AGBL4: variants seen among roughly 807,000 people sequenced by gnomAD.
AGBL4 encodes the protein cytosolic carboxypeptidase 6.
In AGBL4, 58 loss-of-function variants were observed where a neutral mutation model predicts 66.4. That is an observed-to-expected ratio of 0.87 (90% CI 0.71 to 1.09). The LOEUF (loss-of-function observed/expected upper bound fraction) is 1.09, where lower values mean the gene tolerates loss of function less well. Among genes scored for constraint, AGBL4 ranks in the 50% least tolerant of loss-of-function variants. The probability of loss-of-function intolerance (pLI) is 0.00; values close to 1 mark genes in which losing one functional copy is unlikely to be tolerated. For synonymous variants in AGBL4, 234 were observed against 222.9 expected, an observed-to-expected ratio of 1.05 and a Z score of -0.44; for missense variants, 579 against 631.0, an observed-to-expected ratio of 0.92 and a Z score of 0.88.
At chr1:48,763,047 G>T (rs140571463) in intron 6 of AGBL4, among the ~76,000 whole-genome samples, 2 of 152,244 alleles carry the variant, frequency 1.3e-5, no homozygotes, top group East Asian at 3.9e-4. Flanking sequence ...TATTATCAAT[G>T]TGTTCTGAAT....
intron 4 of AGBL4, among the ~76,000 whole-genome samples, chr1:49,220,885 A>C (rs979671395): frequency 2.0e-5 from 3 of 152,164 alleles, no homozygotes; most frequent in African/African-American, 7.2e-5. Flanking sequence ...AAAGCATGGA[A>C]TGGAGATCTT....
intron 6 of AGBL4, among the ~76,000 whole-genome samples, chr1:48,709,031 G>T (rs1202341391): frequency 1.3e-5 from 2 of 152,178 alleles, no homozygotes; most frequent in Admixed American, 6.5e-5. Context: ...CTGACTGGCC[G>T]AGTGGCCTCA....
chr1:49,639,088 A>C (rs2124396080), intron 3 of AGBL4, among the ~76,000 whole-genome samples: 1 of 152,310 alleles, frequency 6.6e-6, no homozygotes, highest in East Asian at 1.9e-4. Context: ...AGCAGTGTGC[A>C]TCTATTCAGC....
chr1:49,594,893 G>T (rs1473564935), intron 3 of AGBL4, among the ~76,000 whole-genome samples: 1 of 152,094 alleles, frequency 6.6e-6, no homozygotes, highest in Non-Finnish European at 1.5e-5. Context: ...CCCAGTAATG[G>T]GATTGCTAGG....
chr1:48,849,577 C>G (rs1203333672), intron 6 of AGBL4, among the ~76,000 whole-genome samples: 1 of 152,222 alleles, frequency 6.6e-6, no homozygotes, highest in African/African-American at 2.4e-5. Flanking sequence ...CCATCTACTC[C>G]TCACTCCCAC....
At chr1:49,418,744 A>C (rs946461877) in intron 3 of AGBL4, among the ~76,000 whole-genome samples, 24 of 152,212 alleles carry the variant, frequency 1.6e-4, no homozygotes, top group African/African-American at 5.5e-4. Context: ...TGATAGGCAA[A>C]GTTCATGGGG....
At chr1:48,799,019 G>A (rs1304976977) in intron 6 of AGBL4, among the ~76,000 whole-genome samples, 5 of 152,054 alleles carry the variant, frequency 3.3e-5, no homozygotes, top group Admixed American at 6.6e-5. Context: ...GGTTCCATAT[G>A]AATTTTAGGA....
At chr1:48,766,226 A>T (rs1460810808) in intron 6 of AGBL4, among the ~76,000 whole-genome samples, 2 of 152,104 alleles carry the variant, frequency 1.3e-5, no homozygotes, top group Non-Finnish European at 2.9e-5. Flanking sequence ...TTTTTTTCCA[A>T]AAAAGAAGAA....
intron 8 of AGBL4, among the ~76,000 whole-genome samples, chr1:48,641,749 G>A (rs1645758400): frequency 6.6e-6 from 1 of 152,132 alleles, no homozygotes; most frequent in African/African-American, 2.4e-5. Context: ...GTCCAGCAAG[G>A]ACAAGTGACA....
chr1:49,849,394 T>TTAG (rs1175446521), intron 2 of AGBL4, among the ~76,000 whole-genome samples: 1 of 26,734 alleles, frequency 3.7e-5, no homozygotes, highest in African/African-American at 1.9e-4. Flanking sequence ...TTCATCTAAT[T>TTAG]TATTATTATT....
chr1:48,967,659 T>C (rs1430281016), intron 5 of AGBL4, among the ~76,000 whole-genome samples: 2 of 152,040 alleles, frequency 1.3e-5, no homozygotes, highest in Non-Finnish European at 2.9e-5. Context: ...TAAAGTTCAA[T>C]TGTGATGGAT....
chr1:49,687,046 T>G (rs1646799545), intron 3 of AGBL4, among the ~76,000 whole-genome samples: 1 of 152,134 alleles, frequency 6.6e-6, no homozygotes, highest in South Asian at 2.1e-4. Context: ...GCAAACTGGA[T>G]AAGAACTAGA....
chr1:48,899,927 A>C (rs1261121429), intron 5 of AGBL4, among the ~76,000 whole-genome samples: 1 of 152,216 alleles, frequency 6.6e-6, no homozygotes, highest in Non-Finnish European at 1.5e-5. Flanking sequence ...TGAAGAAATA[A>C]ATATTGGGAG....
chr1:49,367,335 AT>A (rs1401846877), intron 3 of AGBL4, among the ~76,000 whole-genome samples: 2 of 152,110 alleles, frequency 1.3e-5, no homozygotes, highest in Non-Finnish European at 2.9e-5. Flanking sequence ...TGAGATCTAA[AT>A]GTTAAAAAGA....
chr1:49,356,780 C>A (rs560635028), intron 3 of AGBL4, among the ~76,000 whole-genome samples: 1 of 152,282 alleles, frequency 6.6e-6, no homozygotes, highest in Admixed American at 6.5e-5. Flanking sequence ...TGGGAAATGC[C>A]TTCCTGTGGA....
At chr1:49,300,194 C>T (rs543938900) in intron 3 of AGBL4, among the ~76,000 whole-genome samples, 3 of 152,240 alleles carry the variant, frequency 2.0e-5, no homozygotes, top group African/African-American at 7.2e-5. Context: ...TTCGGAGTAA[C>T]ATTTTTGATC....
chr1:49,036,305 C>A (rs1423477114), intron 5 of AGBL4, among the ~76,000 whole-genome samples: 1 of 152,000 alleles, frequency 6.6e-6, no homozygotes, highest in East Asian at 1.9e-4. Flanking sequence ...GATCTAACAT[C>A]CAGAGCAAGA....
intron 5 of AGBL4, among the ~76,000 whole-genome samples, chr1:48,879,297 G>A (rs761993302): frequency 3.3e-5 from 5 of 151,748 alleles, no homozygotes; most frequent in East Asian, 3.9e-4. Context: ...GTGTGTGCAC[G>A]AGTGTGCACA....
At chr1:49,939,964 C>T (rs1654565465) in intron 1 of AGBL4, among the ~76,000 whole-genome samples, 1 of 151,998 alleles carries the variant, frequency 6.6e-6, no homozygotes, top group African/African-American at 2.4e-5. Context: ...TGACAAAGGG[C>T]TAATATCCAG....
Sources: allele counts gnomAD v4.1 joint callset (sites outside exome capture counted in the v4.1 genomes callset), GRCh38; gene constraint gnomAD v4.1.1; transcripts MANE v1.5; gene names NCBI Gene and HGNC (gene_info 2026-07-23, HGNC 2026-07-21).